Variants in HS3ST3A1 observed in about 807,000 individuals in gnomAD.
HS3ST3A1 encodes the protein heparan sulfate glucosamine 3-O-sulfotransferase 3A1.
Under a neutral mutation model 25.7 loss-of-function variants are expected in HS3ST3A1, and 19 were observed. The ratio of observed to expected loss-of-function variants is 0.74; its 90% CI spans 0.52 to 1.08. The LOEUF is 1.08. Ranked by LOEUF, HS3ST3A1 falls within the 50% of genes least tolerant of loss-of-function variation. The pLI is 0.00. For missense variants in HS3ST3A1, 459 were observed against 594.3 expected (o/e 0.77, Z 2.37); for synonymous variants, 226 against 278.6 (o/e 0.81, Z 1.88).
At chr17:13,557,464 C>T (rs1011839063) in intron 1 of HS3ST3A1, among the ~76,000 whole-genome samples, 2 of 150,310 alleles carry the variant, frequency 1.3e-5, no homozygotes. Context: ...GTAACAACAA[C>T]AACAAAAAAA....
In HS3ST3A1 at chr17:13,494,749, C is replaced by A. The variant is rs1905223535; in HGVS notation, c.*1448G>T. On this transcript the variant is annotated 3_prime_UTR_variant, in exon 2 of 2. Transcript: ENST00000284110. The stretch of plus-strand genomic sequence containing the variant: ...CCCATTAATGCTAATCTTGTTAATA[C>A]CCACTCAGAGAGGAAAGGAATACTG... Among the ~76,000 whole-genome samples the A allele has an allele frequency of 6.6e-6, 1 of 152,072 alleles. No individual in the cohort carries two copies. Among genetic ancestry groups the A allele is most frequent in the Non-Finnish European group, 1.5e-5 (1 of 68,014 alleles).
intron 1 of HS3ST3A1, among the ~76,000 whole-genome samples, chr17:13,571,795 C>T (rs762715797): frequency 3.3e-5 from 5 of 152,106 alleles, no homozygotes; most frequent in Admixed American, 6.6e-5. Flanking sequence ...AGTCACACTC[C>T]GTTGCCCAGG....
At chr17:13,587,731 T>C (rs907597557) in intron 1 of HS3ST3A1, among the ~76,000 whole-genome samples, 1 of 152,078 alleles carries the variant, frequency 6.6e-6, no homozygotes, top group African/African-American at 2.4e-5. Context: ...TGATTAAGCT[T>C]GAAAAAAAAG....
intron 1 of HS3ST3A1, among the ~76,000 whole-genome samples, chr17:13,599,771 C>T (rs1039274964): frequency 2.0e-5 from 3 of 152,180 alleles, no homozygotes; most frequent in Admixed American, 1.3e-4. Flanking sequence ...GTATTTTTCT[C>T]TCTGTTGTCT....
At chr17:13,542,329 C>CAA (rs61165551) in intron 1 of HS3ST3A1, among the ~76,000 whole-genome samples, 24 of 116,878 alleles carry the variant, frequency 2.1e-4, no homozygotes, top group African/African-American at 5.2e-4. Flanking sequence ...ACTCTGTTTC[C>CAA]AAAAAAAAAA....
intron 1 of HS3ST3A1, among the ~76,000 whole-genome samples, chr17:13,507,925 A>C (rs188573728): frequency 6.6e-6 from 1 of 152,316 alleles, no homozygotes; most frequent in East Asian, 1.9e-4. Flanking sequence ...GAGCCCACTC[A>C]CATCAATATT....
chr17:13,562,955 T>A (rs1271167167), intron 1 of HS3ST3A1, among the ~76,000 whole-genome samples: 1 of 152,026 alleles, frequency 6.6e-6, no homozygotes, highest in Non-Finnish European at 1.5e-5. Flanking sequence ...ATACAGAGCC[T>A]GAAAAGCCAG....
intron 1 of HS3ST3A1, among the ~76,000 whole-genome samples, chr17:13,560,600 T>G (rs774715308): frequency 1.3e-5 from 2 of 152,292 alleles, no homozygotes; most frequent in African/African-American, 2.4e-5. Flanking sequence ...TAGAGTTTCT[T>G]TTAGTCTGGA....
chr17:13,541,335 A>G (rs1405554185), intron 1 of HS3ST3A1, among the ~76,000 whole-genome samples: 1 of 152,190 alleles, frequency 6.6e-6, no homozygotes, highest in Admixed American at 6.5e-5. Context: ...CTCTTAATCC[A>G]TGTTCTATTA....
chr17:13,558,185 A>G (rs970586291), intron 1 of HS3ST3A1, among the ~76,000 whole-genome samples: 24 of 152,134 alleles, frequency 1.6e-4, no homozygotes, highest in African/African-American at 5.8e-4. Context: ...AGGCTGAGAT[A>G]GGAGAATCCC....
intron 1 of HS3ST3A1, chr17:13,543,621 A>G (rs1372369192): frequency 6.1e-6 from 1 of 163,786 alleles, no homozygotes; most frequent in African/African-American, 2.4e-5. Context: ...TTACTTTTGC[A>G]CCAACCTAAT....
At chr17:13,552,381 G>T (rs560479381) in intron 1 of HS3ST3A1, among the ~76,000 whole-genome samples, 1 of 152,108 alleles carries the variant, frequency 6.6e-6, no homozygotes, top group Admixed American at 6.5e-5. Flanking sequence ...GCACCTGGCC[G>T]GTTCTTGAAC....
chr17:13,568,148 CTT>C, intron 1 of HS3ST3A1, among the ~76,000 whole-genome samples: 1 of 152,338 alleles, frequency 6.6e-6, no homozygotes, highest in Non-Finnish European at 1.5e-5. Flanking sequence ...AGGCAACACT[CTT>C]TCTCAGCAAA....
chr17:13,546,469 T>G (rs909488129), intron 1 of HS3ST3A1, among the ~76,000 whole-genome samples: 1 of 152,168 alleles, frequency 6.6e-6, no homozygotes. Context: ...GGTTTCACCA[T>G]GTTGGCCAAG....
rs1470586516 is a variant in HS3ST3A1, at chr17:13,495,380, G to A, written c.*817C>T. On this transcript the variant is annotated 3_prime_UTR_variant, in exon 2 of 2. Transcript: ENST00000284110. Reference sequence around the variant, plus strand: ...GTGTCCAGGTCTCAGTGGTTTTCTTGGACACAACTATGTAATGAGACTGGG... The same window carrying A: ...GTGTCCAGGTCTCAGTGGTTTTCTTAGACACAACTATGTAATGAGACTGGG... Among the ~76,000 whole-genome samples the A allele has an allele frequency of 6.6e-6, 1 of 152,086 alleles. No individual in the cohort carries two copies. The highest frequency in any genetic ancestry group is 1.5e-5 in the Non-Finnish European group (1 of 68,012).
chr17:13,518,095 A>G (rs1016210457), intron 1 of HS3ST3A1, among the ~76,000 whole-genome samples: 9 of 152,240 alleles, frequency 5.9e-5, no homozygotes, highest in Non-Finnish European at 1.0e-4. Flanking sequence ...TAAGTGGCTC[A>G]GTCTTACTGG....
intron 1 of HS3ST3A1, among the ~76,000 whole-genome samples, chr17:13,520,944 A>G (rs1906215463): frequency 6.6e-6 from 1 of 152,142 alleles, no homozygotes; most frequent in African/African-American, 2.4e-5. Flanking sequence ...TGTTTGTTGA[A>G]TTTGGTGAGA....
At chr17:13,510,641 T>C (rs1905830920) in intron 1 of HS3ST3A1, among the ~76,000 whole-genome samples, 1 of 152,176 alleles carries the variant, frequency 6.6e-6, no homozygotes, top group South Asian at 2.1e-4. Context: ...TCTGGGGTCT[T>C]GAACTGCTAG....
chr17:13,584,181 A>T (rs572375805), intron 1 of HS3ST3A1, among the ~76,000 whole-genome samples: 1 of 152,340 alleles, frequency 6.6e-6, no homozygotes, highest in Non-Finnish European at 1.5e-5. Context: ...TTCTCTGATG[A>T]AATCTTCAAG....
Sources: gnomAD v4.1 joint callset for allele counts (sites outside exome capture counted in the v4.1 genomes callset) on GRCh38, gnomAD v4.1.1 for gene constraint, MANE v1.5 for transcripts, NCBI Gene and HGNC (gene_info 2026-07-23, HGNC 2026-07-21) for gene names.